The following SYCE1 variants were observed in gnomAD, a reference collection of about 807,000 sequenced individuals.
The protein encoded by SYCE1 is cancer/testis antigen 76.
A neutral mutation model predicts 55.1 loss-of-function variants in SYCE1; 37 were observed. The ratio of observed to expected loss-of-function variants is 0.67; its 90% CI spans 0.52 to 0.88. The LOEUF (loss-of-function observed/expected upper bound fraction) is 0.88. Among genes scored for constraint, SYCE1 ranks in the 40% least tolerant of loss-of-function variants. The probability of loss-of-function intolerance (pLI) is 0.00; values close to 1 mark genes in which losing one functional copy is unlikely to be tolerated. For synonymous variants in SYCE1, 163 were observed against 159.4 expected, an observed-to-expected ratio of 1.02 and a Z score of -0.17; for missense variants, 399 against 416.4, an observed-to-expected ratio of 0.96 and a Z score of 0.36.
chr10:133,563,295 A>G (rs1033924498), intron 1 of SYCE1, among the ~76,000 whole-genome samples: 4 of 152,146 alleles, frequency 2.6e-5, no homozygotes, highest in African/African-American at 4.8e-5. Flanking sequence ...ATAGTGAAAA[A>G]CTCGAAGAAG....
At chr10:133,556,250 T>C (rs750314038) in intron 8 of SYCE1, 75 of 613,868 alleles carry the variant, frequency 1.2e-4, no homozygotes, top group Middle Eastern at 4.3e-4. Context: ...CCCACATCTC[T>C]GCGGTACTGC....
rs746219658 is a variant in SYCE1 at position 133,555,874 on chromosome 10, C to A, written c.625G>T (p.Val209Leu). The change falls in exon 10 of 13, where the codon GTG (valine) becomes TTG (leucine). Residue 209 changes from valine to leucine, a missense_variant. Physicochemically the swap from Val to Leu is conservative, Grantham distance 32. Coordinates refer to ENST00000343131, the MANE Select transcript of SYCE1 (RefSeq NM_001143764.3). ...EKLVKATLED[V>L]KHQLCSLCGA... ...CACAGGGAGCACAGCTGATGCTTCA[C>A]GTCTTCCAGTGTCGCCTTGACCAGC... 4.3e-6 allele frequency: 7 copies of A among 1,613,940 alleles called. No individual in the cohort carries two copies. The highest frequency in any genetic ancestry group is 5.9e-6 in the Non-Finnish European group (7 of 1,179,982).
chr10:133,567,982 C>T, upstream of SYCE1: 1 of 590,470 alleles, frequency 1.7e-6, no homozygotes, highest in East Asian at 3.8e-5. Context: ...GCTCCTGCAC[C>T]CACTGGGGCT....
chr10:133,555,293 C>T (rs1382496800), intron 12 of SYCE1, 58 bp downstream of exon 12: 1 of 1,608,654 alleles, frequency 6.2e-7, no homozygotes, highest in Non-Finnish European at 8.5e-7. Context: ...CCTCCCGCCC[C>T]TTCCGCTGTC....
chr10:133,555,815 T>G lies in SYCE1; in HGVS notation c.684A>C (p.Gly228=), dbSNP rs1283342471. ...GAEGPSTLDE[G]LFLRSQEAAA... ...CAGCCTCCTGGCTGCGGAGAAAGAG[T>G]CCCTCATCAAGGGTGGAGGGGCCCT... is the stretch of plus-strand genomic sequence containing the variant. Residue 228 remains glycine (G), a synonymous_variant, in exon 10 of 13, where the codon GGA becomes GGC. Coordinates refer to ENST00000343131, the MANE Select transcript of SYCE1 (RefSeq NM_001143764.3). 6.2e-7 allele frequency: 1 copy of G among 1,613,300 alleles called. No individual in the cohort carries two copies. Among genetic ancestry groups the G allele is most frequent in the African/African-American group, 1.3e-5 (1 of 74,820 alleles).
chr10:133,560,431 T>C (rs569711974), intron 1 of SYCE1: 41 of 246,708 alleles, frequency 1.7e-4, no homozygotes, highest in African/African-American at 8.2e-4. Context: ...GCTCCTGATA[T>C]AATTCAAGAA....
chr10:133,566,694 G>A (rs1466062418), upstream of SYCE1, among the ~76,000 whole-genome samples: 1 of 151,468 alleles, frequency 6.6e-6, no homozygotes, highest in Non-Finnish European at 1.5e-5. Flanking sequence ...GGTTTGTAAG[G>A]GTTAGGGTTT....
chr10:133,564,999 C>G (rs1435920072), intron 1 of SYCE1, among the ~76,000 whole-genome samples: 1 of 149,680 alleles, frequency 6.7e-6, no homozygotes, highest in African/African-American at 2.4e-5. Flanking sequence ...TGGAGTCGGC[C>G]TCCCCCGGCT....
chr10:133,556,608 A>T, intron 8 of SYCE1, 151 bp downstream of exon 8: 1 of 770,736 alleles, frequency 1.3e-6, no homozygotes, highest in Non-Finnish European at 2.2e-6. Context: ...CAAGGAGGTG[A>T]CAAGGGACTG....
chr10:133,556,325 G>C (rs1851681926), intron 8 of SYCE1: 1 of 560,108 alleles, frequency 1.8e-6, no homozygotes, highest in East Asian at 3.0e-5. Context: ...AGTCTTGGCT[G>C]TTTTCTGGAG....
chr10:133,555,760 T>C lies in SYCE1; in HGVS notation c.719+20A>G, dbSNP rs779158219. 7.4e-6 allele frequency: 12 copies of C among 1,610,952 alleles called. No homozygotes were observed. In the South Asian group the frequency reaches 7.7e-5, roughly 10 times the overall value. ...CACCGGCCACTCCCTCCTCCCACCC[T>C]CTTCCCCTCCACATCTTACACTGTG... On this transcript the variant is annotated intron_variant, in intron 10 of 12. Transcript: ENST00000343131.
chr10:133,563,754 C>T (rs996057949), intron 1 of SYCE1, among the ~76,000 whole-genome samples: 1 of 149,908 alleles, frequency 6.7e-6, no homozygotes, highest in Non-Finnish European at 1.5e-5. Context: ...ATGGAGTCCC[C>T]TCATTTTGGT....
downstream of SYCE1, chr10:133,554,424 C>A: frequency 9.1e-7 from 1 of 1,104,970 alleles, no homozygotes; most frequent in Non-Finnish European, 1.4e-6. Context: ...ATTGGGTCAA[C>A]GCATTTCAGT....
Position 133,558,034 on chromosome 10 carries a change from C to T in SYCE1, c.320-116G>A, listed in dbSNP as rs899890874. ...ACACCTGATTGAGCTTTAACATTTA[C>T]TACATGTCTGGTGGAAGCCACAGGA... On this transcript the variant is annotated intron_variant, in intron 5 of 12. Transcript: ENST00000343131. 3.9e-6 allele frequency: 6 copies of T among 1,522,022 alleles called. No homozygotes were observed. In the African/African-American group the frequency reaches 8.2e-5, roughly 21 times the overall value. 94.3% of individuals were successfully genotyped at this position (1,522,022 alleles called of 1,614,324 possible).
At chr10:133,568,009 G>C (rs1220321196), upstream of SYCE1, 4 of 599,848 alleles carry the variant, frequency 6.7e-6, no homozygotes, top group African/African-American at 5.5e-5. Context: ...CTGTGGGCAA[G>C]GGAGGAAGGG....
rs1851902985 is a variant in SYCE1 at position 133,565,375 on chromosome 10, GC to G, written c.73+81del. 2.3e-6 allele frequency: 3 copies of G among 1,287,042 alleles called. No individual in the cohort carries two copies. In the African/African-American group the frequency reaches 4.6e-5, roughly 20 times the overall value. The allele number at this position is 1,287,042 out of a possible 1,614,324, so 79.7% of individuals were successfully genotyped here. A position where few individuals can be genotyped will look rare whatever the true frequency, so the allele number is the denominator to read the frequency against. On this transcript the variant is annotated intron_variant, in intron 1 of 12. Transcript: ENST00000343131. ...GCAGCATCAGGACTGACAGGAAGAA[GC>G]AGCCGCCACCCGCGCCCCAACCCTG...
In SYCE1 at chr10:133,565,476, G is replaced by C; in HGVS notation, c.54C>G (p.Asp18Glu). 6.5e-7 allele frequency: 1 copy of C among 1,550,196 alleles called. No homozygotes were observed. Among genetic ancestry groups the C allele is most frequent in the South Asian group, 1.2e-5 (1 of 83,828 alleles). The change falls in exon 1 of 13, where the codon GAC becomes GAG. Residue 18 changes from aspartate (D) to glutamate (E), a missense_variant. Physicochemically the swap from Asp to Glu is conservative, Grantham distance 45. Transcript: ENST00000343131. ...SKAEPTAGAV[D>E]RAEKAGGQDT... is the part of the protein sequence containing the mutation. The stretch of plus-strand genomic sequence containing the variant: ...CACTACCTCCGGCCTTCTCAGCCCT[G>C]TCCACGGCTCCTGCGGTGGGCTCGG...
Position 133,555,008 on chromosome 10 carries a change from ATT to A in SYCE1, c.1038_1039del (p.Glu346AspfsTer29). ...TTAGCTGTATCAAAATAGCTCCTTTATTTCCTGAAAGCCCCTTGGGCTAAGGT... is the reference window on the plus strand; with the variant it reads ...TTAGCTGTATCAAAATAGCTCCTTTATCCTGAAAGCCCCTTGGGCTAAGGT... On this transcript the variant is annotated frameshift_variant, in exon 13 of 13. Transcript: ENST00000343131. LOFTEE classifies it high-confidence loss of function. The A allele has an allele frequency of 1.3e-6, 2 of 1,546,406 alleles. No individual in the cohort carries two copies. The highest frequency in any genetic ancestry group is 1.7e-6 in the Non-Finnish European group (2 of 1,144,642).
In SYCE1 at chr10:133,560,123, T is replaced by C; in HGVS notation, c.104A>G (p.Asp35Gly). The change falls in exon 2 of 13, where the codon GAC becomes GGC. Residue 35 changes from aspartate to glycine, a missense_variant. Transcript: ENST00000343131. ...GQDTSSQKIE[D>G]LMEMVQKLQK... ...CAGCTTTTGCACCATTTCCATCAAGTCTTCAATTTTCTGTGAGGACGTGTC... is the reference window on the plus strand; with the variant it reads ...CAGCTTTTGCACCATTTCCATCAAGCCTTCAATTTTCTGTGAGGACGTGTC... 2 of 1,613,966 alleles carry C rather than the reference T, an allele frequency of 1.2e-6. No individual in the cohort carries two copies. Among genetic ancestry groups the C allele is most frequent in the Non-Finnish European group, 8.5e-7 (1 of 1,179,978 alleles).
Sources: gnomAD v4.1 joint callset for allele counts (sites outside exome capture counted in the v4.1 genomes callset) on GRCh38, gnomAD v4.1.1 for gene constraint, MANE v1.5 for transcripts, NCBI Gene and HGNC (gene_info 2026-07-23, HGNC 2026-07-21) for gene names.